Variants in SYT7 observed in about 807,000 individuals in gnomAD.
SYT7 encodes the protein synaptotagmin-7.
SYT7 carries 29 observed loss-of-function variants against 75.1 expected under a neutral mutation model. The observed-to-expected ratio is 0.39, with a 90% CI of 0.29 to 0.53. The LOEUF (loss-of-function observed/expected upper bound fraction) is 0.53. Ranked by LOEUF, SYT7 falls within the 20% of genes least tolerant of loss-of-function variation. SYT7 has a pLI of 0.77. For missense variants in SYT7, 693 were observed against 953.2 expected (o/e 0.73, Z 3.59); for synonymous variants, 376 against 401.7 (o/e 0.94, Z 0.76).
chr11:61,544,976 C>T (rs899030768), intron 5 of SYT7, among the ~76,000 whole-genome samples: 25 of 152,294 alleles, frequency 1.6e-4, no homozygotes, highest in African/African-American at 5.8e-4. Flanking sequence ...GATGGCCCAA[C>T]AGCTAGGAAG....
chr11:61,561,977 T>G (rs372825582), intron 1 of SYT7, among the ~76,000 whole-genome samples: 28 of 152,026 alleles, frequency 1.8e-4, no homozygotes, highest in African/African-American at 5.8e-4. Flanking sequence ...GAGGCTGCAG[T>G]GATGAGTTGA....
At chr11:61,565,654 G>C (rs1033678474) in intron 1 of SYT7, among the ~76,000 whole-genome samples, 4 of 152,236 alleles carry the variant, frequency 2.6e-5, no homozygotes, top group African/African-American at 4.8e-5. Flanking sequence ...GAAAAGCTGG[G>C]CCTTGGACCT....
In SYT7 at chr11:61,527,982, G is replaced by C; in HGVS notation, c.1404C>G (p.His468Gln). 1.2e-6 allele frequency: 2 copies of C among 1,614,158 alleles called. No homozygotes were observed. The highest frequency in any genetic ancestry group is 1.7e-6 in the Non-Finnish European group (2 of 1,180,036). Residue 468 changes from histidine to glutamine, a missense_variant, in exon 9 of 13, where the codon CAC (histidine) becomes CAG (glutamine). Transcript: ENST00000539008. ...TCCGCTTCACCTTGGTCTCCAGCTTGTGCTTCTTGTCGGGCAGCAGGTAGA... is the reference window on the plus strand; with the variant it reads ...TCCGCTTCACCTTGGTCTCCAGCTTCTGCTTCTTGTCGGGCAGCAGGTAGA... Reference protein sequence around the residue: ...VKIYLLPDKKHKLETKVKRKN... With the variant: ...VKIYLLPDKKQKLETKVKRKN...
intron 2 of SYT7, among the ~76,000 whole-genome samples, chr11:61,554,452 A>G (rs1285837511): frequency 6.6e-6 from 1 of 152,016 alleles, no homozygotes; most frequent in Non-Finnish European, 1.5e-5. Context: ...ACAGACAGAC[A>G]CACACACACA....
At chr11:61,568,055 T>C (rs2063822826) in intron 1 of SYT7, among the ~76,000 whole-genome samples, 10 of 152,096 alleles carry the variant, frequency 6.6e-5, no homozygotes, top group Admixed American at 6.5e-4. Flanking sequence ...CCCGCCAAGA[T>C]GAACACAAAG....
Position 61,518,540 on chromosome 11 carries a change from G to T in SYT7, c.*87C>A. 1 of 963,712 alleles carries T rather than the reference G, an allele frequency of 1.0e-6. No homozygotes were observed. The highest frequency in any genetic ancestry group is 2.8e-5 in the Admixed American group (1 of 35,292). 59.7% of individuals were successfully genotyped at this position (963,712 alleles called of 1,614,324 possible). A position where few individuals can be genotyped will look rare whatever the true frequency, so the allele number is the denominator to read the frequency against. On this transcript the variant is annotated 3_prime_UTR_variant, in exon 13 of 13. Coordinates refer to ENST00000539008, the MANE Select transcript of SYT7 (RefSeq NM_001365809.2). The stretch of plus-strand genomic sequence containing the variant: ...CAGGGTCCTCCCCTCCCTATGGCAG[G>T]GGGCTCAGGCCGGGCGTTGTGCATA...
chr11:61,514,002 A>T lies in SYT7; in HGVS notation c.*4625T>A, dbSNP rs769017106. ...AGCCTTCCAGAAAGCAGCAGTATCC[A>T]GGGGGGGACTCACAGGAGAAAGAAA... On this transcript the variant is annotated 3_prime_UTR_variant, in exon 13 of 13. Coordinates refer to ENST00000539008, the MANE Select transcript of SYT7 (RefSeq NM_001365809.2). 4.0e-5 allele frequency among the ~76,000 whole-genome samples: 6 copies of T among 151,876 alleles called. No homozygotes were observed. The highest frequency in any genetic ancestry group is 7.4e-5 in the Non-Finnish European group (5 of 67,962).
intron 1 of SYT7, among the ~76,000 whole-genome samples, chr11:61,578,531 G>A (rs1362776224): frequency 6.6e-6 from 1 of 152,134 alleles, no homozygotes; most frequent in Non-Finnish European, 1.5e-5. Context: ...TACCAGCCAA[G>A]GGGAGATGGG....
chr11:61,571,071 G>A (rs2063907690), intron 1 of SYT7, among the ~76,000 whole-genome samples: 1 of 152,196 alleles, frequency 6.6e-6, no homozygotes, highest in Middle Eastern at 3.2e-3. Flanking sequence ...CACAAAGCAA[G>A]TCAGCACAAG....
At chr11:61,587,400 C>T in the SYT7 span, among the ~76,000 whole-genome samples, 1 of 152,244 alleles carries the variant, frequency 6.6e-6, no homozygotes, top group South Asian at 2.1e-4. Flanking sequence ...GCATGCAGGC[C>T]CACGATGATA....
rs12276221 is a variant in SYT7, at chr11:61,514,435, C to T, written c.*4192G>A. On this transcript the variant is annotated 3_prime_UTR_variant, in exon 13 of 13. Coordinates refer to ENST00000539008, the MANE Select transcript of SYT7 (RefSeq NM_001365809.2). ...GGCCCCAAGTGCTGGGAGCAGAGGG[C>T]GGATGGGATGGCCCGCTTCACTCCT... Among the ~76,000 whole-genome samples, 1,923 of 152,306 alleles carry T rather than the reference C, an allele frequency of 0.013. 41 individuals are homozygous for T. The highest frequency in any genetic ancestry group is 0.041 in the African/African-American group (1,698 of 41,570).
intron 8 of SYT7, chr11:61,530,846 G>C (rs1433577364): frequency 5.1e-6 from 5 of 985,306 alleles, no homozygotes; most frequent in Middle Eastern, 5.2e-4. Flanking sequence ...ACTCAGCTGG[G>C]ACAGAGCCAT....
At chr11:61,586,710 C>T in the SYT7 span, among the ~76,000 whole-genome samples, 1 of 152,224 alleles carries the variant, frequency 6.6e-6, no homozygotes, top group African/African-American at 2.4e-5. Flanking sequence ...GCCTGCAAGA[C>T]TGCTTCCAGC....
chr11:61,538,136 G>T lies in SYT7; in HGVS notation c.1064+8C>A, dbSNP rs2062924698. 1.3e-6 allele frequency: 2 copies of T among 1,535,952 alleles called. No homozygotes were observed. Among genetic ancestry groups the T allele is most frequent in the Non-Finnish European group, 1.7e-6 (2 of 1,146,766 alleles). On this transcript the variant is annotated splice_region_variant and intron_variant, in intron 7 of 12. Coordinates refer to ENST00000539008, the MANE Select transcript of SYT7 (RefSeq NM_001365809.2). ...GCCGCCGCCGCAGGCCCTCGCCTGT[G>T]CTCGTACCTCTTGTCCCCCTGAGCG...
chr11:61,581,566 G>T (rs1229348948), upstream of SYT7, among the ~76,000 whole-genome samples: 1 of 152,256 alleles, frequency 6.6e-6, no homozygotes. Context: ...CGGGGCAGAC[G>T]GACTGGTGTG....
intron 1 of SYT7, among the ~76,000 whole-genome samples, chr11:61,569,349 T>C (rs2063858361): frequency 6.6e-6 from 1 of 151,866 alleles, no homozygotes; most frequent in South Asian, 2.1e-4. Context: ...CAGGGGATGC[T>C]GATGGAGGAG....
intron 5 of SYT7, among the ~76,000 whole-genome samples, chr11:61,544,373 G>A (rs2063126749): frequency 6.6e-6 from 1 of 152,192 alleles, no homozygotes; most frequent in Non-Finnish European, 1.5e-5. Flanking sequence ...AAGAGAGAGT[G>A]AAAGAGGGAG....
rs897992605 is a variant in SYT7, at chr11:61,514,141, G to A, written c.*4486C>T. On this transcript the variant is annotated 3_prime_UTR_variant, in exon 13 of 13. Transcript: ENST00000539008. ...AATGGAGGAAGGCAAAAAGTCCAGG[G>A]AAGGGCCCGAGCCAGTGGCAAGGGA... Among the ~76,000 whole-genome samples the A allele has an allele frequency of 2.6e-5, 4 of 152,216 alleles. No homozygotes were observed. The highest frequency in any genetic ancestry group is 4.8e-5 in the African/African-American group (2 of 41,460).
intron 1 of SYT7, among the ~76,000 whole-genome samples, chr11:61,569,924 T>C (rs2135420074): frequency 6.6e-6 from 1 of 152,282 alleles, no homozygotes; most frequent in Non-Finnish European, 1.5e-5. Context: ...CGGGCGGGCA[T>C]GATGGCAGGC....
Sources: allele counts gnomAD v4.1 joint callset (sites outside exome capture counted in the v4.1 genomes callset), GRCh38; gene constraint gnomAD v4.1.1; transcripts MANE v1.5; gene names NCBI Gene and HGNC (gene_info 2026-07-23, HGNC 2026-07-21).